Variants in MYRIP observed in about 807,000 individuals in gnomAD.
MYRIP encodes the protein myosin VIIA and Rab interacting protein, also known as rab effector MyRIP.
Under a neutral mutation model 98.0 loss-of-function variants are expected in MYRIP, and 49 were observed. That is an observed-to-expected ratio of 0.50 (90% CI 0.40 to 0.63). The LOEUF is 0.63. MYRIP is among the 30% of genes least tolerant of loss of function. The probability of loss-of-function intolerance (pLI) is 0.00; values close to 1 mark genes in which losing one functional copy is unlikely to be tolerated. For synonymous variants in MYRIP, 404 were observed against 409.5 expected (o/e 0.99, Z 0.16); for missense variants, 1,004 against 1,058.2 (o/e 0.95, Z 0.71).
intron 2 of MYRIP, among the ~76,000 whole-genome samples, chr3:39,979,386 C>A (rs1945829075): frequency 6.6e-6 from 1 of 152,050 alleles, no homozygotes; most frequent in Non-Finnish European, 1.5e-5. Context: ...TGCCTGTAAT[C>A]CCAGCACTTT....
chr3:40,036,677 G>A (rs367609511), intron 2 of MYRIP, among the ~76,000 whole-genome samples: 6 of 152,204 alleles, frequency 3.9e-5, no homozygotes, highest in South Asian at 2.1e-4. Flanking sequence ...CCAGATGCAC[G>A]AGATGCTGGA....
chr3:39,977,123 TA>T (rs78955604), intron 2 of MYRIP, among the ~76,000 whole-genome samples: 343 of 151,310 alleles, frequency 2.3e-3, no homozygotes, highest in Non-Finnish European at 3.4e-3. Context: ...AGGTTTATTT[TA>T]AAAAAAAACG....
intron 2 of MYRIP, among the ~76,000 whole-genome samples, chr3:39,938,059 T>G (rs1398747160): frequency 6.6e-6 from 1 of 152,146 alleles, no homozygotes; most frequent in Non-Finnish European, 1.5e-5. Context: ...GCATCTCCCA[T>G]GAAACTGAAA....
chr3:40,115,282 T>C (rs1414342906), intron 3 of MYRIP, among the ~76,000 whole-genome samples: 1 of 152,186 alleles, frequency 6.6e-6, no homozygotes, highest in African/African-American at 2.4e-5. Flanking sequence ...TTAGTTCTCA[T>C]GCTGCTATGA....
chr3:39,908,007 G>C (rs1943921854), intron 2 of MYRIP, among the ~76,000 whole-genome samples: 1 of 152,158 alleles, frequency 6.6e-6, no homozygotes, highest in Non-Finnish European at 1.5e-5. Context: ...CTGAGTCTTG[G>C]AGTCATTGAT....
chr3:39,960,560 C>G (rs960896166), intron 2 of MYRIP, among the ~76,000 whole-genome samples: 6 of 152,106 alleles, frequency 3.9e-5, no homozygotes, highest in Non-Finnish European at 8.8e-5. Flanking sequence ...AGAATTGATT[C>G]AGCTTTGCAG....
At chr3:40,023,492 C>T (rs1485082862) in intron 2 of MYRIP, among the ~76,000 whole-genome samples, 1 of 118,530 alleles carries the variant, frequency 8.4e-6, no homozygotes, top group African/African-American at 3.3e-5. Flanking sequence ...CACAAGCCTG[C>T]ACTCACTCGA....
chr3:40,220,371 T>C (rs1032119294), intron 11 of MYRIP, among the ~76,000 whole-genome samples: 6 of 152,352 alleles, frequency 3.9e-5, no homozygotes, highest in Admixed American at 3.3e-4. Flanking sequence ...TGTCTTTTGT[T>C]GCCATTGCTT....
At chr3:39,992,219 C>A (rs9836551) in intron 2 of MYRIP, among the ~76,000 whole-genome samples, 4 of 152,054 alleles carry the variant, frequency 2.6e-5, no homozygotes, top group African/African-American at 9.7e-5. Flanking sequence ...ATTTATCAAG[C>A]CTCTCATCTC....
In MYRIP at chr3:40,131,045, T is replaced by C. The variant is rs546559261; in HGVS notation, c.333-20003T>C. ...AAAATATGCCTGTATTGAACTAAAC[T>C]CCATAAAGATGGATGGTCCATACAA... On this transcript the variant is annotated intron_variant, in intron 3 of 16. Transcript: ENST00000302541. 6.6e-5 allele frequency among the ~76,000 whole-genome samples: 10 copies of C among 152,244 alleles called. No homozygotes were observed. The East Asian group carries it at 1.7e-3, about 26-fold the overall frequency.
chr3:40,118,909 T>C (rs1327355206), intron 3 of MYRIP, among the ~76,000 whole-genome samples: 3 of 151,976 alleles, frequency 2.0e-5, no homozygotes, highest in African/African-American at 7.3e-5. Flanking sequence ...GGACATGAAC[T>C]CATCCTTTTT....
intron 3 of MYRIP, among the ~76,000 whole-genome samples, chr3:40,090,115 T>C (rs866836139): frequency 6.6e-6 from 1 of 152,016 alleles, no homozygotes. Flanking sequence ...ATAATCAACA[T>C]GTTCAGTTTT....
At chr3:40,159,824 G>A (rs951230595) in intron 4 of MYRIP, among the ~76,000 whole-genome samples, 2 of 151,990 alleles carry the variant, frequency 1.3e-5, no homozygotes, top group Admixed American at 6.5e-5. Flanking sequence ...CGTAGTTCTC[G>A]AGCCTTGGTT....
chr3:39,947,135 A>G (rs1432717892), intron 2 of MYRIP, among the ~76,000 whole-genome samples: 1 of 152,204 alleles, frequency 6.6e-6, no homozygotes, highest in Non-Finnish European at 1.5e-5. Context: ...TGGAGATAAT[A>G]GAACATTTGC....
intron 3 of MYRIP, among the ~76,000 whole-genome samples, chr3:40,139,285 TC>T (rs1337981795): frequency 6.6e-6 from 1 of 152,190 alleles, no homozygotes; most frequent in African/African-American, 2.4e-5. Context: ...GTATGTTGCA[TC>T]CATTTTAAGT....
intron 2 of MYRIP, among the ~76,000 whole-genome samples, chr3:39,993,185 G>T (rs1442008402): frequency 6.6e-6 from 1 of 152,088 alleles, no homozygotes; most frequent in Non-Finnish European, 1.5e-5. Context: ...AGAGGCAAAA[G>T]GGAGCTGAAC....
At chr3:40,011,889 T>A (rs994418843) in intron 2 of MYRIP, among the ~76,000 whole-genome samples, 9 of 152,270 alleles carry the variant, frequency 5.9e-5, no homozygotes, top group African/African-American at 2.2e-4. Flanking sequence ...GGAATCCATT[T>A]AAAAAAATCT....
chr3:40,236,132 C>T (rs535900594), intron 12 of MYRIP, among the ~76,000 whole-genome samples: 39 of 152,218 alleles, frequency 2.6e-4, no homozygotes, highest in South Asian at 6.2e-4. Flanking sequence ...TTTACTGTAC[C>T]GTTTCTATGT....
At chr3:40,066,239 C>T (rs1278013394) in intron 3 of MYRIP, among the ~76,000 whole-genome samples, 5 of 152,102 alleles carry the variant, frequency 3.3e-5, no homozygotes, top group Admixed American at 2.0e-4. Flanking sequence ...TTTTACTGCC[C>T]TTGTATCAGG....
Sources: allele counts gnomAD v4.1 joint callset (sites outside exome capture counted in the v4.1 genomes callset), GRCh38; gene constraint gnomAD v4.1.1; transcripts MANE v1.5; gene names NCBI Gene and HGNC (gene_info 2026-07-23, HGNC 2026-07-21).